The following ANO3 variants were observed in gnomAD, a reference collection of about 807,000 sequenced individuals.
The protein encoded by ANO3 is anoctamin 3.
In ANO3, 99 loss-of-function variants were observed where a neutral mutation model predicts 144.8. The ratio of observed to expected loss-of-function variants is 0.68; its 90% CI spans 0.58 to 0.81. ANO3 has a LOEUF of 0.81. Among genes scored for constraint, ANO3 ranks in the 30% least tolerant of loss-of-function variants. The pLI is 0.00. For synonymous variants in ANO3, 414 were observed against 392.6 expected (o/e 1.05, Z -0.64); for missense variants, 905 against 1,202.2 (o/e 0.75, Z 3.66).
chr11:26,372,750 C>T (rs1384429800), intron 1 of ANO3, among the ~76,000 whole-genome samples: 1 of 151,984 alleles, frequency 6.6e-6, no homozygotes, highest in Non-Finnish European at 1.5e-5. Context: ...ACATATTGAA[C>T]GAATGGTGAT....
intron 1 of ANO3, among the ~76,000 whole-genome samples, chr11:26,269,053 C>A (rs183868762): frequency 6.6e-6 from 1 of 152,264 alleles, no homozygotes; most frequent in African/African-American, 2.4e-5. Flanking sequence ...TATTTGTGAT[C>A]CCCCAGGCCC....
chr11:26,251,488 A>G (rs948635214), intron 1 of ANO3, among the ~76,000 whole-genome samples: 3 of 152,232 alleles, frequency 2.0e-5, no homozygotes, highest in African/African-American at 7.2e-5. Context: ...CACTGCAAAC[A>G]TTAAGCAAAT....
intron 3 of ANO3, among the ~76,000 whole-genome samples, chr11:26,454,006 T>G (rs1235227835): frequency 1.3e-5 from 2 of 151,944 alleles, no homozygotes; most frequent in Non-Finnish European, 2.9e-5. Flanking sequence ...AAGGCAGAAA[T>G]AAAGATGTTC....
At chr11:26,263,416 C>A (rs1396929421) in intron 1 of ANO3, among the ~76,000 whole-genome samples, 1 of 152,176 alleles carries the variant, frequency 6.6e-6, no homozygotes, top group Non-Finnish European at 1.5e-5. Flanking sequence ...CTTTCAGGTT[C>A]TACCAGGTTA....
At chr11:26,253,004 C>A (rs889416757) in intron 1 of ANO3, among the ~76,000 whole-genome samples, 1 of 152,112 alleles carries the variant, frequency 6.6e-6, no homozygotes, top group Non-Finnish European at 1.5e-5. Context: ...GGAAAATGAT[C>A]CTGAGATCAC....
chr11:26,553,812 C>G (rs1850008252), intron 13 of ANO3, among the ~76,000 whole-genome samples: 1 of 152,116 alleles, frequency 6.6e-6, no homozygotes, highest in Non-Finnish European at 1.5e-5. Flanking sequence ...ACAATTAAAT[C>G]AGAATCTTTG....
At chr11:26,363,077 G>A (rs1855970800) in intron 1 of ANO3, among the ~76,000 whole-genome samples, 1 of 152,138 alleles carries the variant, frequency 6.6e-6, no homozygotes. Flanking sequence ...GCATAATTGG[G>A]AATGTCTTTA....
At chr11:26,599,422 C>A in intron 16 of ANO3, 128 bp from the exon 17 acceptor site, 1 of 955,608 alleles carries the variant, frequency 1.0e-6, no homozygotes. Context: ...AAAATTAAAT[C>A]TAGATATCCT....
intron 4 of ANO3, among the ~76,000 whole-genome samples, chr11:26,491,739 T>C (rs1044616569): frequency 1.4e-4 from 21 of 152,232 alleles, no homozygotes; most frequent in African/African-American, 5.1e-4. Context: ...AAGGAAATAG[T>C]TGAATTTTTA....
chr11:26,621,685 T>G (rs1322418659), intron 17 of ANO3, among the ~76,000 whole-genome samples: 1 of 152,202 alleles, frequency 6.6e-6, no homozygotes, highest in Non-Finnish European at 1.5e-5. Context: ...TTGAGTTCTA[T>G]GAAAGTAGAG....
intron 13 of ANO3, among the ~76,000 whole-genome samples, chr11:26,555,297 T>C (rs1850052544): frequency 6.6e-6 from 1 of 152,144 alleles, no homozygotes; most frequent in African/African-American, 2.4e-5. Flanking sequence ...TCTCCTAGCC[T>C]ATGATTTTAG....
At chr11:26,221,100 A>C (rs1158058163) in intron 1 of ANO3, among the ~76,000 whole-genome samples, 1 of 152,214 alleles carries the variant, frequency 6.6e-6, no homozygotes, top group East Asian at 1.9e-4. Context: ...GCAACAGGAC[A>C]GGTCTTGTTA....
intron 1 of ANO3, among the ~76,000 whole-genome samples, chr11:26,395,426 A>G (rs1389370676): frequency 6.6e-6 from 1 of 151,958 alleles, no homozygotes; most frequent in Non-Finnish European, 1.5e-5. Context: ...ATGTTTTTCC[A>G]TTTGTTTGTG....
At chr11:26,459,395 T>C (rs1859289593) in intron 3 of ANO3, among the ~76,000 whole-genome samples, 1 of 152,110 alleles carries the variant, frequency 6.6e-6, no homozygotes, top group Admixed American at 6.6e-5. Context: ...TTCTGTTCAT[T>C]TAATTAACTA....
chr11:26,439,208 G>C (rs1858421377), intron 1 of ANO3, among the ~76,000 whole-genome samples: 2 of 152,094 alleles, frequency 1.3e-5, no homozygotes, highest in African/African-American at 4.8e-5. Context: ...AGAGCTAAAA[G>C]TATAAAACTC....
At chr11:26,252,295 T>G (rs893006940) in intron 1 of ANO3, among the ~76,000 whole-genome samples, 31 of 152,228 alleles carry the variant, frequency 2.0e-4, no homozygotes, top group African/African-American at 6.5e-4. Flanking sequence ...GATACTGTCA[T>G]GCTAACAAAG....
intron 13 of ANO3, among the ~76,000 whole-genome samples, chr11:26,558,798 T>C (rs1850168552): frequency 6.6e-6 from 1 of 152,178 alleles, no homozygotes; most frequent in Admixed American, 6.6e-5. Context: ...GAGCACCCTC[T>C]GGATGTCAGA....
rs543352664 is a variant in ANO3, at chr11:26,567,638, T to G, written c.1447+7859T>G. Reference sequence around the variant, plus strand: ...AGCAAGCAATTGCATAATCATATACTTCTAGAATTTTAGACATATTGTATC... The same window carrying G: ...AGCAAGCAATTGCATAATCATATACGTCTAGAATTTTAGACATATTGTATC... On this transcript the variant is annotated intron_variant, in intron 14 of 26. Transcript: ENST00000256737. Among the ~76,000 whole-genome samples the G allele has an allele frequency of 3.3e-5, 5 of 152,108 alleles. No individual in the cohort carries two copies. In the South Asian group the frequency reaches 1.0e-3, roughly 32 times the overall value.
chr11:26,216,503 T>G (rs898528656), intron 1 of ANO3, among the ~76,000 whole-genome samples: 1 of 152,140 alleles, frequency 6.6e-6, no homozygotes, highest in East Asian at 1.9e-4. Context: ...AGTATCACCC[T>G]TCATTTATCC....
Sources: allele counts gnomAD v4.1 joint callset (sites outside exome capture counted in the v4.1 genomes callset), GRCh38; gene constraint gnomAD v4.1.1; transcripts MANE v1.5; gene names NCBI Gene and HGNC (gene_info 2026-07-23, HGNC 2026-07-21).